The following CCDC93 variants were observed in gnomAD, a reference collection of about 807,000 sequenced individuals.
The protein encoded by CCDC93 is CCC complex scaffolding subunit CCDC93, also known as coiled-coil domain-containing protein 93.
A neutral mutation model predicts 108.2 loss-of-function variants in CCDC93; 61 were observed. That is an observed-to-expected ratio of 0.56 (90% CI 0.46 to 0.70). The LOEUF is 0.70. CCDC93 is among the 30% of genes least tolerant of loss of function. The pLI, the probability that CCDC93 is intolerant of heterozygous loss-of-function variation, is 0.00. For synonymous variants in CCDC93, 276 were observed against 260.4 expected, an observed-to-expected ratio of 1.06 and a Z score of -0.58; for missense variants, 685 against 764.2, an observed-to-expected ratio of 0.90 and a Z score of 1.22.
chr2:117,921,739 C>A (rs537146119), intron 23 of CCDC93: 3 of 152,114 alleles, frequency 2.0e-5, no homozygotes, highest in African/African-American at 4.8e-5. Flanking sequence ...ATGACCACAA[C>A]GACCTTGGTT....
chr2:117,935,871 A>G (rs1283090005), intron 21 of CCDC93: 2 of 263,344 alleles, frequency 7.6e-6, no homozygotes, highest in Non-Finnish European at 1.4e-5. Context: ...AAATGTGACT[A>G]AAATTAACAA....
chr2:118,001,067 C>G, intron 3 of CCDC93, 135 bp from the exon 4 acceptor site: 1 of 592,344 alleles, frequency 1.7e-6, no homozygotes, highest in East Asian at 2.8e-5. Flanking sequence ...ACAAGTTTCT[C>G]CTAGATGACT....
chr2:117,968,716 C>A (rs1216883989), intron 11 of CCDC93, among the ~76,000 whole-genome samples: 1 of 152,176 alleles, frequency 6.6e-6, no homozygotes, highest in Non-Finnish European at 1.5e-5. Flanking sequence ...ATCTGGCAGG[C>A]TATTCAATTT....
intron 3 of CCDC93, among the ~76,000 whole-genome samples, chr2:118,005,059 G>A (rs571817817): frequency 1.8e-4 from 28 of 152,218 alleles, no homozygotes; most frequent in African/African-American, 6.5e-4. Flanking sequence ...GTTATGTTTT[G>A]CTCCCAAATA....
intron 13 of CCDC93, chr2:117,949,627 A>G (rs1678986804): frequency 4.8e-6 from 2 of 416,470 alleles, no homozygotes; most frequent in African/African-American, 4.3e-5. Context: ...TCAGTGAAGA[A>G]AACACCGTTT....
At chr2:117,942,510 C>T (rs1678732726) in intron 18 of CCDC93, among the ~76,000 whole-genome samples, 1 of 152,210 alleles carries the variant, frequency 6.6e-6, no homozygotes, top group South Asian at 2.1e-4. Flanking sequence ...TTCTCAGGGA[C>T]ACATCTAATG....
At chr2:117,949,622 G>T in intron 13 of CCDC93, 1 of 375,556 alleles carries the variant, frequency 2.7e-6, no homozygotes, top group Non-Finnish European at 3.7e-6. Flanking sequence ...ACTGTTCAGT[G>T]AAGAAAACAC....
chr2:117,923,814 G>A (rs912954301), intron 23 of CCDC93, among the ~76,000 whole-genome samples: 2 of 131,254 alleles, frequency 1.5e-5, no homozygotes, highest in Admixed American at 1.6e-4. Context: ...GGAGATCTGA[G>A]AATGGGCAGA....
chr2:117,995,681 A>C, intron 5 of CCDC93, 179 bp from the exon 6 acceptor site: 1 of 593,986 alleles, frequency 1.7e-6, no homozygotes, highest in Non-Finnish European at 3.0e-6. Flanking sequence ...AACCCTGCAG[A>C]TGGCTCCAAC....
At position 117,920,315 on chromosome 2, in the gene CCDC93, A is replaced by T; in HGVS notation, c.*28T>A. The T allele has an allele frequency of 6.3e-7, 1 of 1,577,584 alleles. No individual in the cohort carries two copies. Among genetic ancestry groups the T allele is most frequent in the Non-Finnish European group, 8.7e-7 (1 of 1,148,454 alleles). On this transcript the variant is annotated 3_prime_UTR_variant, in exon 24 of 24. Transcript: ENST00000376300. ...ATATACGGTGCTTAAAAGTAAAATC[A>T]ATGACATACAGCCACGGCTGGGGAT...
At position 117,973,025 on chromosome 2, in the gene CCDC93, G is replaced by A. The variant is rs575572914; in HGVS notation, c.888+883C>T. On this transcript the variant is annotated intron_variant, in intron 11 of 23. Coordinates refer to ENST00000376300, the MANE Select transcript of CCDC93 (RefSeq NM_019044.5). ...GGGTCCTTCAAGTCTCCCTCCCAGA[G>A]GTTCCCACGGATGGCAGCACTAGGC... 1.9e-4 allele frequency among the ~76,000 whole-genome samples: 29 copies of A among 152,242 alleles called. 1 individual carries two copies. The South Asian group carries it at 6.0e-3, about 32-fold the overall frequency.
At position 117,948,280 on chromosome 2, in the gene CCDC93, C is replaced by T. The variant is rs187834729; in HGVS notation, c.1143-94G>A. 3.6e-4 allele frequency: 293 copies of T among 811,882 alleles called. No individual in the cohort carries two copies. In the Admixed American group the frequency reaches 6.2e-3, roughly 17 times the overall value. The allele number at this position is 811,882 out of a possible 1,614,324, so 50.3% of individuals were successfully genotyped here. A position where few individuals can be genotyped will look rare whatever the true frequency, so the allele number is the denominator to read the frequency against. On this transcript the variant is annotated intron_variant, in intron 14 of 23. Transcript: ENST00000376300. Reference sequence around the variant, plus strand: ...AGGTCCGCAGCTAAAAAAGGACTCTCCTTTTAATTTCCTTTCTCAGCTCTA... The same window carrying T: ...AGGTCCGCAGCTAAAAAAGGACTCTTCTTTTAATTTCCTTTCTCAGCTCTA...
chr2:117,973,777 G>A lies in CCDC93; in HGVS notation c.888+131C>T, dbSNP rs181808138. 396 of 706,244 alleles carry A rather than the reference G, an allele frequency of 5.6e-4. 3 individuals are homozygous for A. In the East Asian group the frequency reaches 9.3e-3, roughly 17 times the overall value. The allele number at this position is 706,244 out of a possible 1,614,324, so 43.7% of individuals were successfully genotyped here. A position where few individuals can be genotyped will look rare whatever the true frequency, so the allele number is the denominator to read the frequency against. On this transcript the variant is annotated intron_variant, in intron 11 of 23. Coordinates refer to ENST00000376300, the MANE Select transcript of CCDC93 (RefSeq NM_019044.5). ...GGTTGTGCATGGTAAAGCCCAGTGT[G>A]TTTCTGACTAACGTGGCTGGTGAGT...
At chr2:117,977,194 C>T (rs910335284) in intron 8 of CCDC93, among the ~76,000 whole-genome samples, 24 of 152,170 alleles carry the variant, frequency 1.6e-4, no homozygotes, top group African/African-American at 4.6e-4. Context: ...TTTAAGAGGC[C>T]ACTGACCACT....
At chr2:117,966,234 A>T (rs1679567864) in intron 11 of CCDC93, among the ~76,000 whole-genome samples, 1 of 152,200 alleles carries the variant, frequency 6.6e-6, no homozygotes, top group South Asian at 2.1e-4. Flanking sequence ...TCCTGGCAAC[A>T]ATGGGCCTGG....
chr2:118,006,998 C>T (rs777021122), intron 2 of CCDC93, among the ~76,000 whole-genome samples, 182 bp from the exon 3 acceptor site: 2 of 151,762 alleles, frequency 1.3e-5, no homozygotes, highest in Non-Finnish European at 2.9e-5. Context: ...AAAATGGCAC[C>T]GTTACAGAAA....
intron 6 of CCDC93, among the ~76,000 whole-genome samples, chr2:117,990,244 G>C (rs1680436943): frequency 6.6e-6 from 1 of 152,204 alleles, no homozygotes; most frequent in East Asian, 1.9e-4. Context: ...TTATGATTAT[G>C]ATGTGAAAGT....
rs146353723 is a variant in CCDC93 at position 117,986,053 on chromosome 2, C to A, written c.536G>T (p.Arg179Leu). 1.2e-6 allele frequency: 2 copies of A among 1,611,348 alleles called. No individual in the cohort carries two copies. Among genetic ancestry groups the A allele is most frequent in the South Asian group, 1.1e-5 (1 of 91,022 alleles). ...VVDLSEVYKP[R>L]RKYKRHQGAE... ...TCCCTGGTGGCGTTTGTATTTCCGA[C>A]GGGGCTTGTACACTTCCTAAGTGGA... Residue 179 changes from arginine (R) to leucine (L), a missense_variant, in exon 7 of 24, where the codon CGT (arginine) becomes CTT (leucine). Physicochemically the swap from Arg to Leu is moderately radical, Grantham distance 102. Coordinates refer to ENST00000376300, the MANE Select transcript of CCDC93 (RefSeq NM_019044.5).
At chr2:117,996,241 G>T (rs758107168) in intron 5 of CCDC93, 23 bp downstream of exon 5, 1 of 1,512,812 alleles carries the variant, frequency 6.6e-7, no homozygotes. Context: ...AGTGGGACAA[G>T]AAAATAAAAT....
Sources: gnomAD v4.1 joint callset for allele counts (sites outside exome capture counted in the v4.1 genomes callset) on GRCh38, gnomAD v4.1.1 for gene constraint, MANE v1.5 for transcripts, NCBI Gene and HGNC (gene_info 2026-07-23, HGNC 2026-07-21) for gene names.